The following TRPC7 variants were observed in gnomAD, a reference collection of about 807,000 sequenced individuals.
The protein encoded by TRPC7 is short transient receptor potential channel 7.
Under a neutral mutation model 90.1 loss-of-function variants are expected in TRPC7, and 42 were observed. That is an observed-to-expected ratio of 0.47 (90% confidence interval 0.36 to 0.60). The LOEUF (loss-of-function observed/expected upper bound fraction) is 0.60, where lower values mean the gene tolerates loss of function less well. Among genes scored for constraint, TRPC7 ranks in the 20% least tolerant of loss-of-function variants. The probability of loss-of-function intolerance (pLI) is 0.00; values close to 1 mark genes in which losing one functional copy is unlikely to be tolerated. For missense variants in TRPC7, 955 were observed against 1,112.3 expected, an observed-to-expected ratio of 0.86 and a Z score of 2.01; for synonymous variants, 451 against 436.3, an observed-to-expected ratio of 1.03 and a Z score of -0.42.
intron 4 of TRPC7, among the ~76,000 whole-genome samples, chr5:136,269,482 C>T (rs1277278155): frequency 6.6e-6 from 1 of 152,164 alleles, no homozygotes; most frequent in Non-Finnish European, 1.5e-5. Flanking sequence ...TGTGTGAGTC[C>T]CCACATCCCA....
intron 2 of TRPC7, among the ~76,000 whole-genome samples, chr5:136,342,886 G>A (rs1345705075): frequency 1.3e-5 from 2 of 152,092 alleles, no homozygotes; most frequent in Non-Finnish European, 2.9e-5. Context: ...ATGAAACTGT[G>A]GAAGAAAGAA....
chr5:136,268,588 GC>G (rs1382538365), intron 4 of TRPC7, among the ~76,000 whole-genome samples: 1 of 152,164 alleles, frequency 6.6e-6, no homozygotes, highest in East Asian at 1.9e-4. Context: ...ACCCAAGCTG[GC>G]TTTGAGTTTC....
intron 3 of TRPC7, among the ~76,000 whole-genome samples, chr5:136,278,233 C>T (rs1757427439): frequency 6.6e-6 from 1 of 152,246 alleles, no homozygotes; most frequent in African/African-American, 2.4e-5. Flanking sequence ...TCTGCATGAT[C>T]CCCTGCTGGA....
chr5:136,287,264 G>C (rs17695029), intron 3 of TRPC7, among the ~76,000 whole-genome samples: 18,365 of 152,070 alleles, frequency 0.12, 1,159 homozygotes, highest in African/African-American at 0.14. Flanking sequence ...GTGGTCATAG[G>C]TGAGGAAGAA....
At chr5:136,356,271 C>T (rs952919399) in intron 2 of TRPC7, among the ~76,000 whole-genome samples, 6 of 152,236 alleles carry the variant, frequency 3.9e-5, no homozygotes, top group African/African-American at 1.4e-4. Flanking sequence ...CCTTAGGTGT[C>T]CTAGACACTC....
At chr5:136,238,108 T>C (rs1756046450) in intron 7 of TRPC7, among the ~76,000 whole-genome samples, 1 of 152,212 alleles carries the variant, frequency 6.6e-6, no homozygotes, top group African/African-American at 2.4e-5. Flanking sequence ...CTGCTCCTCC[T>C]CTTTTTCTTA....
At chr5:136,236,957 G>C (rs889011) in intron 7 of TRPC7, among the ~76,000 whole-genome samples, 7 of 152,218 alleles carry the variant, frequency 4.6e-5, no homozygotes, top group Non-Finnish European at 8.8e-5. Flanking sequence ...CAAGCTCAGC[G>C]GACAATAGCT....
At chr5:136,355,764 C>A (rs183183950) in intron 2 of TRPC7, among the ~76,000 whole-genome samples, 1 of 152,120 alleles carries the variant, frequency 6.6e-6, no homozygotes, top group Non-Finnish European at 1.5e-5. Context: ...TGCCACTGCA[C>A]TCTAGCCTGG....
At chr5:136,363,512 G>T (rs1264197516) in intron 1 of TRPC7, among the ~76,000 whole-genome samples, 3 of 151,978 alleles carry the variant, frequency 2.0e-5, no homozygotes. Context: ...ACTACCCCAA[G>T]GTATACACGA....
Position 136,357,006 on chromosome 5 carries a change from G to T in TRPC7, c.382C>A (p.His128Asn). The T allele has an allele frequency of 6.2e-7, 1 of 1,612,736 alleles. No individual in the cohort carries two copies. The highest frequency in any genetic ancestry group is 8.5e-7 in the Non-Finnish European group (1 of 1,179,878). ...CGCTGGCCCTGCGCGAAGGCCGGGT[G>T]GTTGAGGATGGCCTCCACGATGCGC... ...YVRIVEAILN[H>N]PAFAQGQRLT... The change falls in exon 2 of 12, where the codon CAC becomes AAC. Residue 128 changes from histidine to asparagine, a missense_variant. Coordinates refer to ENST00000513104, the MANE Select transcript of TRPC7 (RefSeq NM_020389.3).
At chr5:136,216,612 TC>T (rs748120788) in intron 10 of TRPC7, among the ~76,000 whole-genome samples, 2 of 151,770 alleles carry the variant, frequency 1.3e-5, no homozygotes, top group South Asian at 4.2e-4. Context: ...TTGGCCTGGC[TC>T]TGCCCTGCTC....
chr5:136,293,296 C>G (rs1416907455), intron 3 of TRPC7, among the ~76,000 whole-genome samples: 1 of 152,122 alleles, frequency 6.6e-6, no homozygotes, highest in Non-Finnish European at 1.5e-5. Flanking sequence ...CCAGGGCAAT[C>G]AGGCAGGAGA....
At chr5:136,274,037 G>A (rs1757284873) in intron 4 of TRPC7, among the ~76,000 whole-genome samples, 1 of 152,120 alleles carries the variant, frequency 6.6e-6, no homozygotes, top group African/African-American at 2.4e-5. Context: ...CTCCTTTTGA[G>A]CTCTTCTTCT....
At chr5:136,233,731 C>T (rs996933854) in intron 7 of TRPC7, among the ~76,000 whole-genome samples, 2 of 152,178 alleles carry the variant, frequency 1.3e-5, no homozygotes, top group Non-Finnish European at 2.9e-5. Context: ...CCCTTTCTTA[C>T]CTTGGAACAA....
At chr5:136,227,194 G>A (rs1229199593) in intron 8 of TRPC7, among the ~76,000 whole-genome samples, 1 of 152,166 alleles carries the variant, frequency 6.6e-6, no homozygotes, top group Non-Finnish European at 1.5e-5. Context: ...GTGGGCCCCT[G>A]AGAGTAGCAG....
chr5:136,352,550 C>T (rs1407783935), intron 2 of TRPC7, among the ~76,000 whole-genome samples: 1 of 151,904 alleles, frequency 6.6e-6, no homozygotes, highest in Non-Finnish European at 1.5e-5. Flanking sequence ...TGGCTGTTAC[C>T]CAACTGAGGT....
chr5:136,280,298 T>C (rs566607556), intron 3 of TRPC7, among the ~76,000 whole-genome samples: 1 of 152,326 alleles, frequency 6.6e-6, no homozygotes, highest in Non-Finnish European at 1.5e-5. Flanking sequence ...TCATGTGTCA[T>C]AGGTCAAGTT....
intron 2 of TRPC7, among the ~76,000 whole-genome samples, chr5:136,341,627 T>C (rs1247862686): frequency 1.3e-5 from 2 of 152,120 alleles, no homozygotes; most frequent in Non-Finnish European, 1.5e-5. Context: ...TGGGTCCTAT[T>C]TGGGTGATTT....
chr5:136,263,220 A>C (rs1756914738), intron 5 of TRPC7, among the ~76,000 whole-genome samples: 1 of 152,126 alleles, frequency 6.6e-6, no homozygotes. Context: ...TTCAATAGAG[A>C]CCCCAGAAGT....
Sources: gnomAD v4.1 joint callset for allele counts (sites outside exome capture counted in the v4.1 genomes callset) on GRCh38, gnomAD v4.1.1 for gene constraint, MANE v1.5 for transcripts, NCBI Gene and HGNC (gene_info 2026-07-23, HGNC 2026-07-21) for gene names.